The following TBC1D1 variants were observed in gnomAD, a reference collection of about 807,000 sequenced individuals.
TBC1D1 encodes TBC1 (tre-2/USP6, BUB2, cdc16) domain family, member 1.
TBC1D1 carries 89 observed loss-of-function variants against 125.6 expected under a neutral mutation model. The ratio of observed to expected loss-of-function variants is 0.71; its 90% CI spans 0.60 to 0.85. The LOEUF (loss-of-function observed/expected upper bound fraction) is 0.85. Ranked by LOEUF, TBC1D1 falls within the 40% of genes least tolerant of loss-of-function variation. The probability of loss-of-function intolerance (pLI) is 0.00; values close to 1 mark genes in which losing one functional copy is unlikely to be tolerated. For missense variants in TBC1D1, 1,377 were observed against 1,469.2 expected (o/e 0.94, Z 1.03); for synonymous variants, 565 against 564.1 (o/e 1.00, Z -0.02).
intron 2 of TBC1D1, chr4:37,960,579 A>G (rs1223599515): frequency 6.2e-7 from 1 of 1,614,186 alleles, no homozygotes; most frequent in Non-Finnish European, 8.5e-7. Flanking sequence ...TTTTGGCAAA[A>G]CATACGATGC....
chr4:37,943,811 G>A (rs928148821), intron 2 of TBC1D1, among the ~76,000 whole-genome samples: 1 of 151,986 alleles, frequency 6.6e-6, no homozygotes, highest in African/African-American at 2.4e-5. Flanking sequence ...AAGTTTGATT[G>A]TCTGAAGCCT....
At chr4:38,000,022 T>G (rs894388190) in intron 2 of TBC1D1, among the ~76,000 whole-genome samples, 6 of 152,206 alleles carry the variant, frequency 3.9e-5, no homozygotes, top group African/African-American at 1.4e-4. Context: ...TTCTAACTAA[T>G]GGACACTTGA....
chr4:37,937,817 A>G (rs1408293547), intron 2 of TBC1D1, among the ~76,000 whole-genome samples: 1 of 152,168 alleles, frequency 6.6e-6, no homozygotes, highest in Non-Finnish European at 1.5e-5. Flanking sequence ...GTGGTTCCTA[A>G]CGCTCAGGAG....
intron 1 of TBC1D1, among the ~76,000 whole-genome samples, chr4:37,897,290 AT>A (rs1468326362): frequency 6.6e-6 from 1 of 152,148 alleles, no homozygotes; most frequent in Admixed American, 6.5e-5. Flanking sequence ...CCCTAATATT[AT>A]TTGCATAGTT....
chr4:38,080,204 C>T (rs1224632794), intron 12 of TBC1D1, among the ~76,000 whole-genome samples: 2 of 152,184 alleles, frequency 1.3e-5, no homozygotes, highest in African/African-American at 4.8e-5. Flanking sequence ...GACCTCTGTG[C>T]CCACAGTGAG....
Position 38,014,756 on chromosome 4 carries a change from C to T in TBC1D1, c.665C>T (p.Thr222Ile). 1 of 1,611,384 alleles carries T rather than the reference C, an allele frequency of 6.2e-7. No homozygotes were observed. Among genetic ancestry groups the T allele is most frequent in the Non-Finnish European group, 8.5e-7 (1 of 1,179,116 alleles). The change falls in exon 3 of 20, where the codon ACA becomes ATA. Residue 222 changes from threonine (T) to isoleucine (I), a missense_variant. By Grantham distance (89) the Thr-to-Ile change is moderately conservative. This residue lies in a region of TBC1D1 where 822 missense variants were observed against 824.6 expected (regional missense o/e 1.00). Coordinates refer to ENST00000261439, the MANE Select transcript of TBC1D1 (RefSeq NM_015173.4). The surrounding 1 kb of genome is among the most constrained non-coding windows in gnomAD (Gnocchi z 5.1). Reference sequence around the variant, plus strand: ...CCCAACCCGCCCCATGCCGCGCCCACAGGGAGCCAGGAGCCTGTGCGCAGG... The same window carrying T: ...CCCAACCCGCCCCATGCCGCGCCCATAGGGAGCCAGGAGCCTGTGCGCAGG...
At chr4:37,920,083 G>A (rs552407109) in intron 2 of TBC1D1, among the ~76,000 whole-genome samples, 93 of 152,288 alleles carry the variant, frequency 6.1e-4, no homozygotes, top group African/African-American at 2.1e-3. Flanking sequence ...ACTGCACTCC[G>A]GCCTGTGCCA....
intron 2 of TBC1D1, among the ~76,000 whole-genome samples, chr4:37,923,720 C>G (rs1577876709): frequency 6.6e-6 from 1 of 150,414 alleles, no homozygotes; most frequent in African/African-American, 2.5e-5. Context: ...CACTCTGTCA[C>G]CCAGGCTGGA....
intron 2 of TBC1D1, among the ~76,000 whole-genome samples, chr4:37,961,495 C>T (rs964042808): frequency 2.6e-5 from 4 of 152,208 alleles, no homozygotes; most frequent in African/African-American, 9.7e-5. Flanking sequence ...TTCATGAAAT[C>T]CCGTATCTTA....
intron 8 of TBC1D1, among the ~76,000 whole-genome samples, chr4:38,037,840 A>G (rs932362778): frequency 6.6e-6 from 1 of 152,214 alleles, no homozygotes; most frequent in African/African-American, 2.4e-5. Flanking sequence ...TGAAATAGAA[A>G]AAACCCTGAA....
intron 2 of TBC1D1, among the ~76,000 whole-genome samples, chr4:37,961,449 C>T (rs1730039339): frequency 2.6e-5 from 4 of 152,220 alleles, no homozygotes; most frequent in Admixed American, 2.6e-4. Context: ...AGGACTAACA[C>T]TGATTATCTT....
intron 8 of TBC1D1, among the ~76,000 whole-genome samples, chr4:38,041,520 T>G (rs1038942529): frequency 2.7e-4 from 41 of 152,196 alleles, no homozygotes; most frequent in Admixed American, 5.9e-4. Flanking sequence ...GAGAGGTCAC[T>G]GCAGCCTCCT....
At chr4:38,089,289 G>A (rs191401556) in intron 12 of TBC1D1, among the ~76,000 whole-genome samples, 1 of 152,212 alleles carries the variant, frequency 6.6e-6, no homozygotes, top group East Asian at 1.9e-4. Context: ...AAAATGCCCA[G>A]CGCAGTGCCC....
chr4:38,132,093 T>C (rs1765677118), intron 18 of TBC1D1, among the ~76,000 whole-genome samples: 1 of 152,214 alleles, frequency 6.6e-6, no homozygotes, highest in Admixed American at 6.5e-5. Context: ...TTTAACAATA[T>C]TGGAGTTGCT....
chr4:38,035,256 C>G (rs983267932), intron 7 of TBC1D1, among the ~76,000 whole-genome samples: 33 of 152,218 alleles, frequency 2.2e-4, no homozygotes, highest in African/African-American at 7.9e-4. Flanking sequence ...CATCATGGCC[C>G]CTGACCTTTG....
Position 37,991,380 on chromosome 4 carries a change from C to G in TBC1D1, c.418-23129C>G, listed in dbSNP as rs111339457. Among the ~76,000 whole-genome samples, 294 of 152,294 alleles carry G rather than the reference C, an allele frequency of 1.9e-3. 1 individual carries two copies. Among genetic ancestry groups the G allele is most frequent in the African/African-American group, 6.7e-3 (278 of 41,576 alleles). On this transcript the variant is annotated intron_variant, in intron 2 of 19. Coordinates refer to ENST00000261439, the MANE Select transcript of TBC1D1 (RefSeq NM_015173.4). The stretch of plus-strand genomic sequence containing the variant: ...CCGCTGATCTGGGGGCTCTTTAAAC[C>G]TCTCTAACAAGTTTTTGTGCTAATC...
At chr4:38,003,632 C>T (rs905116499) in intron 2 of TBC1D1, among the ~76,000 whole-genome samples, 1 of 152,072 alleles carries the variant, frequency 6.6e-6, no homozygotes, top group African/African-American at 2.4e-5. Flanking sequence ...CTTTGGGAGG[C>T]TGAGGTGGGA....
At chr4:38,062,377 T>C (rs1752927952) in intron 12 of TBC1D1, among the ~76,000 whole-genome samples, 1 of 152,102 alleles carries the variant, frequency 6.6e-6, no homozygotes, top group Non-Finnish European at 1.5e-5. Context: ...GAAATCTAGA[T>C]GTTTTTCTTT....
chr4:37,904,980 T>C (rs1042410965), intron 2 of TBC1D1, among the ~76,000 whole-genome samples: 1 of 152,238 alleles, frequency 6.6e-6, no homozygotes, highest in African/African-American at 2.4e-5. Context: ...TTAAGGCCTC[T>C]TCTAAACAGA....
Sources: allele counts gnomAD v4.1 joint callset (sites outside exome capture counted in the v4.1 genomes callset), GRCh38; gene constraint gnomAD v4.1.1; regional missense constraint gnomAD v4.1.1; non-coding constraint Gnocchi (gnomAD v3.1); transcripts MANE v1.5; gene names NCBI Gene and HGNC (gene_info 2026-07-23, HGNC 2026-07-21).